Variants in ARHGAP26 observed in about 807,000 individuals in gnomAD.
The protein encoded by ARHGAP26 is rho GTPase-activating protein 26.
A neutral mutation model predicts 104.8 loss-of-function variants in ARHGAP26; 38 were observed. That is an observed-to-expected ratio of 0.36 (90% confidence interval 0.28 to 0.48). The LOEUF is 0.48. Ranked by LOEUF, ARHGAP26 falls within the 20% of genes least tolerant of loss-of-function variation. The pLI, the probability that ARHGAP26 is intolerant of heterozygous loss-of-function variation, is 0.99. For missense variants in ARHGAP26, 704 were observed against 947.9 expected, an observed-to-expected ratio of 0.74 and a Z score of 3.38; for synonymous variants, 341 against 340.0, an observed-to-expected ratio of 1.00 and a Z score of -0.03.
rs531508956 is a variant in ARHGAP26 at position 143,002,527 on chromosome 5, T to C, written c.1108-11553T>C. ...ACAGATGAGTGGGTTCACATCCACTTTTTAATGTTGCATCAGCCTGAAGCC... is the reference window on the plus strand; with the variant it reads ...ACAGATGAGTGGGTTCACATCCACTCTTTAATGTTGCATCAGCCTGAAGCC... On this transcript the variant is annotated intron_variant, in intron 11 of 22. Coordinates refer to ENST00000645722, the MANE Select transcript of ARHGAP26 (RefSeq NM_001135608.3). Among the ~76,000 whole-genome samples the C allele has an allele frequency of 1.2e-4, 19 of 152,270 alleles. 1 individual carries two copies. In the South Asian group the frequency reaches 3.9e-3, roughly 32 times the overall value.
intron 20 of ARHGAP26, among the ~76,000 whole-genome samples, chr5:143,186,091 C>G (rs1354597588): frequency 2.0e-5 from 3 of 152,190 alleles, no homozygotes; most frequent in South Asian, 2.1e-4. Flanking sequence ...CTCAAGAAAG[C>G]CATTCTCAGA....
Position 142,875,094 on chromosome 5 carries a change from C to T in ARHGAP26, c.251-16C>T. The T allele has an allele frequency of 6.2e-7, 1 of 1,613,082 alleles. No homozygotes were observed. The highest frequency in any genetic ancestry group is 8.5e-7 in the Non-Finnish European group (1 of 1,179,266). On this transcript the variant is annotated splice_polypyrimidine_tract_variant and intron_variant, in intron 2 of 22. Coordinates refer to ENST00000645722, the MANE Select transcript of ARHGAP26 (RefSeq NM_001135608.3). Reference sequence around the variant, plus strand: ...ATGACACTCCTTCCACCTCATGGCCCCTTTCTGTTTTCCAGCAAGATCTTT... The same window carrying T: ...ATGACACTCCTTCCACCTCATGGCCTCTTTCTGTTTTCCAGCAAGATCTTT...
chr5:143,054,594 T>C, intron 15 of ARHGAP26, 68 bp downstream of exon 15: 2 of 1,188,696 alleles, frequency 1.7e-6, no homozygotes, highest in Non-Finnish European at 2.4e-6. Context: ...AAAGCAGTTT[T>C]ATTTTCAGAC....
intron 12 of ARHGAP26, among the ~76,000 whole-genome samples, chr5:143,030,605 A>C: frequency 6.6e-6 from 1 of 152,168 alleles, no homozygotes; most frequent in East Asian, 1.9e-4. Context: ...TCATCACAAA[A>C]AAAATGAGAA....
intron 20 of ARHGAP26, among the ~76,000 whole-genome samples, chr5:143,155,413 C>G (rs747075028): frequency 3.9e-5 from 6 of 152,214 alleles, no homozygotes; most frequent in Non-Finnish European, 7.3e-5. Flanking sequence ...AGATCTCACT[C>G]ATCAATCGGG....
Position 142,986,795 on chromosome 5 carries a change from G to A in ARHGAP26, c.1108-27285G>A, listed in dbSNP as rs1000140501. On this transcript the variant is annotated intron_variant, in intron 11 of 22. Transcript: ENST00000645722. Reference sequence around the variant, plus strand: ...CCCATTGCTTGTTTTTCTCAGGTTTGTCAAAGATCAGATGGTTGTAGATGT... The same window carrying A: ...CCCATTGCTTGTTTTTCTCAGGTTTATCAAAGATCAGATGGTTGTAGATGT... Among the ~76,000 whole-genome samples the A allele has an allele frequency of 7.9e-5, 12 of 152,130 alleles. 1 individual carries two copies. Among genetic ancestry groups the A allele is most frequent in the Non-Finnish European group, 1.2e-4 (8 of 68,022 alleles).
chr5:143,194,033 G>A (rs1806391678), intron 20 of ARHGAP26: 1 of 152,142 alleles, frequency 6.6e-6, no homozygotes, highest in Non-Finnish European at 1.5e-5. Flanking sequence ...TGGATCACAT[G>A]CCTGCCCTGC....
chr5:143,038,248 A>G (rs573033780), intron 13 of ARHGAP26, among the ~76,000 whole-genome samples: 1 of 152,274 alleles, frequency 6.6e-6, no homozygotes, highest in South Asian at 2.1e-4. Flanking sequence ...AGAAATATAC[A>G]CTTTTTTTTC....
At chr5:142,901,098 G>T (rs575344531) in intron 6 of ARHGAP26, among the ~76,000 whole-genome samples, 1 of 152,220 alleles carries the variant, frequency 6.6e-6, no homozygotes, top group Non-Finnish European at 1.5e-5. Flanking sequence ...TGTAAGCTCC[G>T]AGAGGAAAGA....
At chr5:142,939,369 A>C (rs1765909920) in intron 11 of ARHGAP26, among the ~76,000 whole-genome samples, 1 of 152,018 alleles carries the variant, frequency 6.6e-6, no homozygotes, top group Non-Finnish European at 1.5e-5. Flanking sequence ...AGGAAAAACC[A>C]CTCCTCTAGT....
intron 1 of ARHGAP26, among the ~76,000 whole-genome samples, chr5:142,841,353 G>A (rs1770760233): frequency 1.3e-5 from 2 of 152,224 alleles, no homozygotes; most frequent in Non-Finnish European, 2.9e-5. Flanking sequence ...AAGTCTCACG[G>A]TGCTAAGCCC....
At chr5:143,081,322 A>G (rs1467514053) in intron 17 of ARHGAP26, among the ~76,000 whole-genome samples, 1 of 152,224 alleles carries the variant, frequency 6.6e-6, no homozygotes, top group Non-Finnish European at 1.5e-5. Context: ...GCCTGGGATC[A>G]GAGCAGAGCC....
intron 1 of ARHGAP26, among the ~76,000 whole-genome samples, chr5:142,870,288 G>A (rs1423197106): frequency 6.6e-6 from 1 of 152,156 alleles, no homozygotes; most frequent in Non-Finnish European, 1.5e-5. Context: ...TCTTTGGGCT[G>A]CTCCATATCC....
chr5:142,904,417 G>A (rs1760807346), intron 8 of ARHGAP26, among the ~76,000 whole-genome samples: 1 of 151,942 alleles, frequency 6.6e-6, no homozygotes, highest in Non-Finnish European at 1.5e-5. Context: ...TTACCGGAGT[G>A]AGCCTGTTGA....
intron 10 of ARHGAP26, among the ~76,000 whole-genome samples, chr5:142,914,483 G>A (rs1762230441): frequency 6.6e-6 from 1 of 152,214 alleles, no homozygotes; most frequent in Non-Finnish European, 1.5e-5. Context: ...TTCCCAGGAT[G>A]GTTATAAGGA....
intron 1 of ARHGAP26, among the ~76,000 whole-genome samples, chr5:142,872,023 G>A (rs999289339): frequency 2.0e-5 from 3 of 152,182 alleles, no homozygotes; most frequent in Non-Finnish European, 4.4e-5. Context: ...GCAGTAGCTT[G>A]AGCCCTGGTC....
chr5:142,929,898 T>A (rs1764464491), intron 10 of ARHGAP26, among the ~76,000 whole-genome samples: 1 of 151,960 alleles, frequency 6.6e-6, no homozygotes. Flanking sequence ...GAAAGGAGGG[T>A]AACTTTGCTC....
intron 11 of ARHGAP26, among the ~76,000 whole-genome samples, chr5:142,978,039 C>G (rs1773377157): frequency 6.6e-6 from 1 of 152,216 alleles, no homozygotes; most frequent in Non-Finnish European, 1.5e-5. Flanking sequence ...TTTCAGTGAT[C>G]CGACATCTTG....
At chr5:143,175,215 A>G (rs1483686055) in intron 20 of ARHGAP26, among the ~76,000 whole-genome samples, 4 of 152,226 alleles carry the variant, frequency 2.6e-5, no homozygotes, top group African/African-American at 9.6e-5. Context: ...GTAAAAATTC[A>G]GAAATCTAGG....
Sources: allele counts gnomAD v4.1 joint callset (sites outside exome capture counted in the v4.1 genomes callset), GRCh38; gene constraint gnomAD v4.1.1; transcripts MANE v1.5; gene names NCBI Gene and HGNC (gene_info 2026-07-23, HGNC 2026-07-21).